NAPEPLD: variants seen among roughly 807,000 people sequenced by gnomAD.
The protein encoded by NAPEPLD is N-acyl-phosphatidylethanolamine-hydrolyzing phospholipase D.
Under a neutral mutation model 38.1 loss-of-function variants are expected in NAPEPLD, and 23 were observed. The ratio of observed to expected loss-of-function variants is 0.60; its 90% CI spans 0.43 to 0.86. NAPEPLD has a LOEUF of 0.86. Among genes scored for constraint, NAPEPLD ranks in the 40% least tolerant of loss-of-function variants. The pLI, the probability that NAPEPLD is intolerant of heterozygous loss-of-function variation, is 0.00. For synonymous variants in NAPEPLD, 147 were observed against 162.0 expected, an observed-to-expected ratio of 0.91 and a Z score of 0.71; for missense variants, 411 against 476.8, an observed-to-expected ratio of 0.86 and a Z score of 1.28.
rs1330738341 is a variant in NAPEPLD at position 103,119,754 on chromosome 7, C to A, written c.764G>T (p.Cys255Phe). 6.2e-6 allele frequency: 10 copies of A among 1,614,044 alleles called. No homozygotes were observed. The Admixed American group carries it at 1.2e-4, about 19-fold the overall frequency. Reference sequence around the variant, plus strand: ...GTTGTCATCCATTAGAGTCCTTTTACACCAGTGCTGGGAAGGTGTAAAGAC... The same window carrying A: ...GTTGTCATCCATTAGAGTCCTTTTAAACCAGTGCTGGGAAGGTGTAAAGAC... ...TFVFTPSQHW[C>F]KRTLMDDNKV... Residue 255 changes from cysteine (C) to phenylalanine (F), a missense_variant, in exon 3 of 5, where the codon TGT (cysteine) becomes TTT (phenylalanine). Physicochemically the swap from Cys to Phe is radical, Grantham distance 205 (BLOSUM62 -2). Transcript: ENST00000465647.
chr7:103,149,536 A>T, upstream of NAPEPLD: 1 of 1,243,396 alleles, frequency 8.0e-7, no homozygotes, highest in Non-Finnish European at 1.0e-6. Flanking sequence ...CGAATCTGAC[A>T]GCAGGGCCAG....
chr7:103,107,483 C>T (rs1803605930), intron 4 of NAPEPLD, among the ~76,000 whole-genome samples: 1 of 151,938 alleles, frequency 6.6e-6, no homozygotes, highest in Admixed American at 6.6e-5. Flanking sequence ...TAACCCAATG[C>T]AAGGAAGCTA....
chr7:103,120,499 T>A (rs1806428363), intron 2 of NAPEPLD, among the ~76,000 whole-genome samples: 1 of 152,114 alleles, frequency 6.6e-6, no homozygotes, highest in Non-Finnish European at 1.5e-5. Flanking sequence ...TGTATCAATT[T>A]TTTAAAGGCT....
intron 2 of NAPEPLD, among the ~76,000 whole-genome samples, chr7:103,121,578 G>A (rs1806707711): frequency 6.6e-6 from 1 of 152,124 alleles, no homozygotes; most frequent in South Asian, 2.1e-4. Context: ...CTCTCTTTAG[G>A]AAGTTCAGAG....
chr7:103,114,571 A>G (rs1298620319), intron 4 of NAPEPLD, among the ~76,000 whole-genome samples: 1 of 152,076 alleles, frequency 6.6e-6, no homozygotes, highest in Non-Finnish European at 1.5e-5. Flanking sequence ...CTGCCCTCTC[A>G]GAGCCAAGTT....
At chr7:103,110,328 C>T (rs1463366288) in intron 4 of NAPEPLD, among the ~76,000 whole-genome samples, 1 of 152,070 alleles carries the variant, frequency 6.6e-6, no homozygotes, top group East Asian at 1.9e-4. Context: ...AACATCGATG[C>T]GAAAATCCTC....
intron 2 of NAPEPLD, among the ~76,000 whole-genome samples, chr7:103,125,523 A>T (rs921714131): frequency 2.6e-5 from 4 of 152,160 alleles, no homozygotes; most frequent in Non-Finnish European, 5.9e-5. Context: ...CTAGTTTTAT[A>T]AAAAAATTGT....
intron 4 of NAPEPLD, among the ~76,000 whole-genome samples, chr7:103,114,585 A>G (rs1805205415): frequency 6.6e-6 from 1 of 152,092 alleles, no homozygotes; most frequent in Non-Finnish European, 1.5e-5. Flanking sequence ...CCAAGTTCAA[A>G]TGTCACTTAT....
At chr7:103,110,766 T>C (rs2129527343) in intron 4 of NAPEPLD, among the ~76,000 whole-genome samples, 1 of 152,208 alleles carries the variant, frequency 6.6e-6, no homozygotes, top group East Asian at 1.9e-4. Flanking sequence ...GGGTATTCAA[T>C]TAGGAAAAGA....
intron 2 of NAPEPLD, chr7:103,126,782 A>ATTTTTTTT (rs61285914): frequency 6.6e-4 from 52 of 78,704 alleles, no homozygotes; most frequent in Non-Finnish European, 7.8e-4. Flanking sequence ...AATTTTTTGT[A>ATTTTTTTT]TTTTTTTTTT....
At chr7:103,140,229 ATAG>A (rs1476751598) in intron 1 of NAPEPLD, among the ~76,000 whole-genome samples, 2 of 152,146 alleles carry the variant, frequency 1.3e-5, no homozygotes, top group African/African-American at 4.8e-5. Flanking sequence ...TTTTAATGAG[ATAG>A]TAGGATATAC....
chr7:103,127,321 T>G (rs1389064905), intron 2 of NAPEPLD: 1 of 152,202 alleles, frequency 6.6e-6, no homozygotes, highest in Non-Finnish European at 1.5e-5. Flanking sequence ...TCTCAAATTC[T>G]GAGAGAAAAC....
At chr7:103,133,542 ACGC>A (rs748306519) in intron 1 of NAPEPLD, among the ~76,000 whole-genome samples, 1 of 152,156 alleles carries the variant, frequency 6.6e-6, no homozygotes, top group Non-Finnish European at 1.5e-5. Context: ...TCACACAAGA[ACGC>A]TCCTCATGCC....
At chr7:103,132,130 G>A (rs1585879080) in intron 1 of NAPEPLD, among the ~76,000 whole-genome samples, 1 of 152,066 alleles carries the variant, frequency 6.6e-6, no homozygotes, top group Non-Finnish European at 1.5e-5. Context: ...GAAAGGAAGT[G>A]GCTAAAAACT....
intron 4 of NAPEPLD, among the ~76,000 whole-genome samples, chr7:103,114,720 T>C (rs1304911539): frequency 6.6e-6 from 1 of 152,256 alleles, no homozygotes; most frequent in African/African-American, 2.4e-5. Flanking sequence ...TTCTGTCTTC[T>C]GCTAGCATGA....
chr7:103,113,573 T>C (rs1242355855), intron 4 of NAPEPLD, among the ~76,000 whole-genome samples: 3 of 7,338 alleles, frequency 4.1e-4, no homozygotes, highest in East Asian at 0.5. Flanking sequence ...CTAACCACAC[T>C]TTTTTTTTTT....
chr7:103,120,529 G>A, intron 2 of NAPEPLD, among the ~76,000 whole-genome samples: 1 of 152,006 alleles, frequency 6.6e-6, no homozygotes, highest in East Asian at 1.9e-4. Flanking sequence ...ACTGCCAGAA[G>A]TAGACTGGCC....
intron 1 of NAPEPLD, among the ~76,000 whole-genome samples, chr7:103,146,257 A>G (rs1384461439): frequency 2.0e-5 from 3 of 152,110 alleles, no homozygotes; most frequent in Non-Finnish European, 4.4e-5. Flanking sequence ...AGGCATGAGT[A>G]TCGCTTGAAC....
chr7:103,149,246 C>A, upstream of NAPEPLD: 1 of 997,542 alleles, frequency 1.0e-6, no homozygotes, highest in Non-Finnish European at 1.2e-6. Context: ...GCGGCCAGAG[C>A]GGCGGGGTGC....
Sources: allele counts gnomAD v4.1 joint callset (sites outside exome capture counted in the v4.1 genomes callset), GRCh38; gene constraint gnomAD v4.1.1; transcripts MANE v1.5; gene names NCBI Gene and HGNC (gene_info 2026-07-23, HGNC 2026-07-21).